Variants in RAD51B observed in about 807,000 individuals in gnomAD.
RAD51B encodes DNA repair protein RAD51 homolog 2.
In RAD51B, 38 loss-of-function variants were observed where a neutral mutation model predicts 42.2. The observed-to-expected ratio is 0.90, with a 90% confidence interval of 0.70 to 1.18. The LOEUF is 1.18. Among genes scored for constraint, RAD51B ranks in the 50% most tolerant of loss-of-function variants. RAD51B has a pLI of 0.00. For missense variants in RAD51B, 373 were observed against 400.7 expected (o/e 0.93, Z 0.59); for synonymous variants, 154 against 145.2 (o/e 1.06, Z -0.43).
At chr14:68,439,218 T>C (rs2085223993) in intron 9 of RAD51B, among the ~76,000 whole-genome samples, 1 of 151,798 alleles carries the variant, frequency 6.6e-6, no homozygotes, top group Non-Finnish European at 1.5e-5. Context: ...CTGCCTTGCT[T>C]CCAGTGGTGT....
chr14:68,609,980 C>T (rs1161151096), intron 10 of RAD51B, among the ~76,000 whole-genome samples: 1 of 152,056 alleles, frequency 6.6e-6, no homozygotes, highest in African/African-American at 2.4e-5. Context: ...TCTCCCAGCA[C>T]ATCGCTTCTG....
At chr14:67,879,499 G>A (rs1361192898) in intron 5 of RAD51B, among the ~76,000 whole-genome samples, 2 of 151,946 alleles carry the variant, frequency 1.3e-5, no homozygotes, top group African/African-American at 4.8e-5. Flanking sequence ...CTGGAGTGCA[G>A]TGACATGATC....
chr14:67,865,466 G>A (rs1346906084), intron 5 of RAD51B, among the ~76,000 whole-genome samples: 1 of 150,436 alleles, frequency 6.6e-6, no homozygotes, highest in Non-Finnish European at 1.5e-5. Flanking sequence ...TGAACTTCTG[G>A]CCTCAAGTGA....
At chr14:68,084,400 G>C (rs2076955362) in intron 7 of RAD51B, among the ~76,000 whole-genome samples, 2 of 152,114 alleles carry the variant, frequency 1.3e-5, no homozygotes, top group Non-Finnish European at 2.9e-5. Flanking sequence ...CCTTGTCACT[G>C]GGGGCTGTTC....
chr14:68,189,931 G>T (rs1305005995), intron 7 of RAD51B, among the ~76,000 whole-genome samples: 3 of 152,142 alleles, frequency 2.0e-5, no homozygotes, highest in Non-Finnish European at 4.4e-5. Flanking sequence ...CTCCCAAAGT[G>T]CTGGGATTAC....
chr14:68,361,951 C>G lies in RAD51B; in HGVS notation c.854-49473C>G, dbSNP rs191083626. On this transcript the variant is annotated intron_variant, in intron 8 of 10. Transcript: ENST00000471583. ...TCAGCCTCCCAAAGTGCTAGGATTACAGGCATGAACCACTGCACCTGGCCC... is the reference window on the plus strand; with the variant it reads ...TCAGCCTCCCAAAGTGCTAGGATTAGAGGCATGAACCACTGCACCTGGCCC... Among the ~76,000 whole-genome samples the G allele has an allele frequency of 3.1e-3, 476 of 152,284 alleles. 2 individuals are homozygous for G. Among genetic ancestry groups the G allele is most frequent in the African/African-American group, 0.011 (450 of 41,548 alleles).
At chr14:68,542,766 G>A (rs1312950265) in intron 10 of RAD51B, among the ~76,000 whole-genome samples, 2 of 152,052 alleles carry the variant, frequency 1.3e-5, no homozygotes, top group Admixed American at 1.3e-4. Context: ...TATCTCTGGG[G>A]CATGCATCCT....
At chr14:68,318,594 G>T (rs1280800196) in intron 8 of RAD51B, among the ~76,000 whole-genome samples, 1 of 152,170 alleles carries the variant, frequency 6.6e-6, no homozygotes, top group Non-Finnish European at 1.5e-5. Context: ...AGAGAGTTTT[G>T]CATTTATTTG....
chr14:68,177,756 C>T (rs941386814), intron 7 of RAD51B, among the ~76,000 whole-genome samples: 3 of 151,968 alleles, frequency 2.0e-5, no homozygotes, highest in African/African-American at 7.3e-5. Context: ...AACTCTCCAG[C>T]CGAGATGTTC....
intron 10 of RAD51B, among the ~76,000 whole-genome samples, chr14:68,579,776 G>A (rs576732147): frequency 3.9e-5 from 6 of 152,318 alleles, no homozygotes; most frequent in Admixed American, 3.9e-4. Context: ...TCTTTCCAAG[G>A]AGGCTGGCTG....
At chr14:68,476,772 C>T (rs1211041496) in intron 10 of RAD51B, among the ~76,000 whole-genome samples, 1 of 152,218 alleles carries the variant, frequency 6.6e-6, no homozygotes. Flanking sequence ...CAAAACCCGA[C>T]AAATAGAGGA....
At chr14:67,883,304 T>A (rs1229596794) in intron 5 of RAD51B, among the ~76,000 whole-genome samples, 14 of 139,312 alleles carry the variant, frequency 1.0e-4, no homozygotes, top group South Asian at 4.6e-4. Flanking sequence ...AAATAAAAGC[T>A]AAAAAAAAAA....
At chr14:68,661,573 A>G (rs1892933839) in intron 11 of RAD51B, among the ~76,000 whole-genome samples, 1 of 152,222 alleles carries the variant, frequency 6.6e-6, no homozygotes, top group South Asian at 2.1e-4. Context: ...AGAATGCTGG[A>G]TGCTCCAAAG....
intron 7 of RAD51B, among the ~76,000 whole-genome samples, chr14:67,920,203 A>C (rs1243581862): frequency 6.6e-6 from 1 of 152,086 alleles, no homozygotes; most frequent in Non-Finnish European, 1.5e-5. Flanking sequence ...TAATTATTTT[A>C]CCCTCCCAAG....
chr14:68,007,738 C>G (rs1566574608), intron 7 of RAD51B, among the ~76,000 whole-genome samples: 1 of 151,734 alleles, frequency 6.6e-6, no homozygotes, highest in African/African-American at 2.4e-5. Flanking sequence ...TGTAAGAGTT[C>G]TTTATAGAGA....
intron 9 of RAD51B, among the ~76,000 whole-genome samples, chr14:68,443,859 C>A (rs1171274312): frequency 1.3e-5 from 2 of 151,436 alleles, no homozygotes; most frequent in African/African-American, 4.9e-5. Context: ...AAAAACAAAA[C>A]TTTCTGCTTT....
intron 9 of RAD51B, among the ~76,000 whole-genome samples, chr14:68,412,582 C>A (rs2084448752): frequency 6.6e-6 from 1 of 152,190 alleles, no homozygotes; most frequent in Non-Finnish European, 1.5e-5. Flanking sequence ...CCAGAGAATT[C>A]TTCTTGGTTT....
intron 9 of RAD51B, among the ~76,000 whole-genome samples, chr14:68,449,956 C>T (rs1047580741): frequency 2.0e-5 from 3 of 152,094 alleles, no homozygotes; most frequent in African/African-American, 7.2e-5. Context: ...AGTAATTAGG[C>T]AGAGCTCTAG....
At chr14:67,899,160 A>C (rs1223855200) in intron 7 of RAD51B, among the ~76,000 whole-genome samples, 1 of 151,726 alleles carries the variant, frequency 6.6e-6, no homozygotes, top group Non-Finnish European at 1.5e-5. Flanking sequence ...CTCCTGCCTC[A>C]GCCTCCCGAG....
Sources: allele counts gnomAD v4.1 joint callset (sites outside exome capture counted in the v4.1 genomes callset), GRCh38; gene constraint gnomAD v4.1.1; transcripts MANE v1.5; gene names NCBI Gene and HGNC (gene_info 2026-07-23, HGNC 2026-07-21).